RSF1: variants seen among roughly 807,000 people sequenced by gnomAD.
RSF1 encodes HBV pX-associated protein 8.
RSF1 carries 13 observed loss-of-function variants against 145.2 expected under a neutral mutation model. The observed-to-expected ratio is 0.09, with a 90% CI of 0.06 to 0.14. RSF1 has a LOEUF of 0.14. RSF1 is among the 10% of genes least tolerant of loss of function. The probability of loss-of-function intolerance (pLI) is 1.00; values close to 1 mark genes in which losing one functional copy is unlikely to be tolerated. For synonymous variants in RSF1, 577 were observed against 592.6 expected, an observed-to-expected ratio of 0.97 and a Z score of 0.38; for missense variants, 1,517 against 1,718.2, an observed-to-expected ratio of 0.88 and a Z score of 2.07.
Position 77,702,630 on chromosome 11 carries a change from G to A in RSF1, c.734-135C>T, listed in dbSNP as rs1289948840. Reference sequence around the variant, plus strand: ...GGCCTCTGTCATTGGATATTTGACAGTAAAAAATAAAATCTGACAATGAAG... The same window carrying A: ...GGCCTCTGTCATTGGATATTTGACAATAAAAAATAAAATCTGACAATGAAG... On this transcript the variant is annotated intron_variant, in intron 5 of 15. Transcript: ENST00000308488. 3.9e-5 allele frequency: 19 copies of A among 490,656 alleles called. No homozygotes were observed. The Admixed American group carries it at 6.6e-4, about 17-fold the overall frequency. 30.4% of individuals were successfully genotyped at this position (490,656 alleles called of 1,614,324 possible).
At chr11:77,826,613 C>T in the RSF1 span, among the ~76,000 whole-genome samples, 1 of 152,144 alleles carries the variant, frequency 6.6e-6, no homozygotes, top group Non-Finnish European at 1.5e-5. Context: ...CAAGTACACT[C>T]CTGCTACACT....
intron 4 of RSF1, among the ~76,000 whole-genome samples, chr11:77,736,254 T>C (rs1377478690): frequency 6.6e-6 from 1 of 152,264 alleles, no homozygotes; most frequent in Non-Finnish European, 1.5e-5. Context: ...TGATCCTGGC[T>C]CAGCCTTTGA....
At chr11:77,813,513 C>G (rs1283538921) in intron 1 of RSF1, 1 of 800,092 alleles carries the variant, frequency 1.2e-6, no homozygotes, top group Non-Finnish European at 2.2e-6. Context: ...GGTAGGTATT[C>G]GAACTGGTCC....
chr11:77,811,599 G>C (rs1948732134), intron 1 of RSF1, among the ~76,000 whole-genome samples: 3 of 152,140 alleles, frequency 2.0e-5, no homozygotes, highest in African/African-American at 7.2e-5. Context: ...AAGGAAGATG[G>C]GGATGGTATA....
At chr11:77,696,439 A>G (rs1429548463) in intron 7 of RSF1, among the ~76,000 whole-genome samples, 1 of 152,244 alleles carries the variant, frequency 6.6e-6, no homozygotes, top group Admixed American at 6.5e-5. Flanking sequence ...GATTTAACAT[A>G]TAATAGCTGC....
chr11:77,666,345 T>A lies in RSF1; in HGVS notation c.*572A>T, dbSNP rs911584288. ...CTTTATTAAGTGTGGTTATCTCCAA[T>A]AGTAAACAAGTTCATTTCACAAAGG... On this transcript the variant is annotated 3_prime_UTR_variant, in exon 16 of 16. Coordinates refer to ENST00000308488, the MANE Select transcript of RSF1 (RefSeq NM_016578.4). 2.0e-5 allele frequency: 3 copies of A among 152,624 alleles called. No individual in the cohort carries two copies. Among genetic ancestry groups the A allele is most frequent in the African/African-American group, 7.2e-5 (3 of 41,464 alleles). 9.5% of individuals were successfully genotyped at this position (152,624 alleles called of 1,614,324 possible).
At chr11:77,744,903 G>T (rs1947983194) in intron 3 of RSF1, among the ~76,000 whole-genome samples, 1 of 152,168 alleles carries the variant, frequency 6.6e-6, no homozygotes, top group African/African-American at 2.4e-5. Context: ...ATGTTTGGTA[G>T]AATTCAGCTG....
Position 77,682,635 on chromosome 11 carries a change from C to T in RSF1, c.3065+1075G>A, listed in dbSNP as rs184822834. ...TAGGTACTTATGGAGCATTAACTAT[C>T]TGTCAGCACTATGCTAGGTATAGGG... is the stretch of plus-strand genomic sequence containing the variant. On this transcript the variant is annotated intron_variant, in intron 11 of 15. Coordinates refer to ENST00000308488, the MANE Select transcript of RSF1 (RefSeq NM_016578.4). 3.9e-5 allele frequency among the ~76,000 whole-genome samples: 6 copies of T among 152,316 alleles called. No individual in the cohort carries two copies. In the East Asian group the frequency reaches 1.2e-3, roughly 29 times the overall value.
chr11:77,719,725 GTGGTATA>G (rs1220164756), intron 5 of RSF1, among the ~76,000 whole-genome samples: 1 of 152,166 alleles, frequency 6.6e-6, no homozygotes, highest in Non-Finnish European at 1.5e-5. Flanking sequence ...TAAATAAAAT[GTGGTATA>G]TCAATACAAA....
chr11:77,839,809 G>T, the RSF1 span, among the ~76,000 whole-genome samples: 2 of 152,062 alleles, frequency 1.3e-5, no homozygotes, highest in Non-Finnish European at 2.9e-5. Flanking sequence ...ACACACACTG[G>T]GGCTTGCTGG....
intron 1 of RSF1, among the ~76,000 whole-genome samples, chr11:77,778,247 CATGGGGGAGGGAAGGGGAGAGG>C (rs1473487024): frequency 5.7e-5 from 1 of 17,404 alleles, no homozygotes; most frequent in Non-Finnish European, 1.0e-4. Flanking sequence ...AAGGGGAGAG[CATGGGGGAGGGAAGGGGAGAGG>C]ATGGGGGAGG....
the RSF1 span, among the ~76,000 whole-genome samples, chr11:77,845,826 A>G: frequency 1.3e-5 from 2 of 152,124 alleles, no homozygotes; most frequent in African/African-American, 4.8e-5. Flanking sequence ...TCTTTTGAAC[A>G]TGGTTTCCTT....
the RSF1 span, among the ~76,000 whole-genome samples, chr11:77,858,566 C>T: frequency 6.6e-6 from 1 of 152,028 alleles, no homozygotes; most frequent in African/African-American, 2.4e-5. Context: ...GGTCACCTTC[C>T]CAGCTAGCCT....
At chr11:77,726,039 C>A (rs1472246373) in intron 4 of RSF1, among the ~76,000 whole-genome samples, 1 of 152,126 alleles carries the variant, frequency 6.6e-6, no homozygotes, top group African/African-American at 2.4e-5. Context: ...GAGATGAAAT[C>A]AATGTAAAAC....
intron 7 of RSF1, among the ~76,000 whole-genome samples, chr11:77,694,640 T>A (rs1960238627): frequency 1.3e-5 from 2 of 152,252 alleles, no homozygotes; most frequent in African/African-American, 2.4e-5. Flanking sequence ...TTACCTCATA[T>A]AACTATGGTA....
intron 1 of RSF1, among the ~76,000 whole-genome samples, chr11:77,787,563 G>A (rs943278778): frequency 1.3e-5 from 2 of 151,954 alleles, no homozygotes; most frequent in Non-Finnish European, 2.9e-5. Flanking sequence ...CCTAAAATAC[G>A]TACTATCTGG....
In RSF1 at chr11:77,698,591, A is replaced by T; in HGVS notation, c.2611T>A (p.Ser871Thr). ...ESEGSGSEKS[S>T]AASEEEEEKE... ...TCTTCCTCCTCTTCTGAAGCTGCAG[A>T]TGATTTTTCACTGCCAGACCCTTCA... The change falls in exon 7 of 16, where the codon TCT becomes ACT. Residue 871 changes from serine (S) to threonine (T), a missense_variant. Ser to Thr is a moderately conservative substitution (Grantham distance 58). This residue lies in a region of RSF1 where 579 missense variants were observed against 553.5 expected (regional missense o/e 1.05). Transcript: ENST00000308488. 4 of 1,614,106 alleles carry T rather than the reference A, an allele frequency of 2.5e-6. No homozygotes were observed. Among genetic ancestry groups the T allele is most frequent in the Non-Finnish European group, 3.4e-6 (4 of 1,179,988 alleles).
At chr11:77,749,240 T>C (rs1379660389) in intron 2 of RSF1, among the ~76,000 whole-genome samples, 1 of 152,208 alleles carries the variant, frequency 6.6e-6, no homozygotes, top group Non-Finnish European at 1.5e-5. Flanking sequence ...ATGATGATGG[T>C]TGTATATTCC....
At chr11:77,759,412 C>A (rs1310172607) in intron 2 of RSF1, among the ~76,000 whole-genome samples, 1 of 151,810 alleles carries the variant, frequency 6.6e-6, no homozygotes, top group African/African-American at 2.4e-5. Context: ...CTGGGCGTAG[C>A]GGCTCACACC....
Sources: allele counts gnomAD v4.1 joint callset (sites outside exome capture counted in the v4.1 genomes callset), GRCh38; gene constraint gnomAD v4.1.1; regional missense constraint gnomAD v4.1.1; transcripts MANE v1.5; gene names NCBI Gene and HGNC (gene_info 2026-07-23, HGNC 2026-07-21).